Variants in SLC1A2 observed in about 807,000 individuals in gnomAD.
The protein encoded by SLC1A2 is excitatory amino acid transporter 2.
SLC1A2 carries 15 observed loss-of-function variants against 48.8 expected under a neutral mutation model. The ratio of observed to expected loss-of-function variants is 0.31; its 90% CI spans 0.21 to 0.47. SLC1A2 has a LOEUF of 0.47. Among genes scored for constraint, SLC1A2 ranks in the 20% least tolerant of loss-of-function variants. SLC1A2 has a pLI of 0.99. For synonymous variants in SLC1A2, 279 were observed against 272.6 expected, an observed-to-expected ratio of 1.02 and a Z score of -0.23; for missense variants, 502 against 730.5, an observed-to-expected ratio of 0.69 and a Z score of 3.61.
rs1383434366 is a variant in SLC1A2, at chr11:35,260,497, C to G, written c.*397G>C. On this transcript the variant is annotated 3_prime_UTR_variant, in exon 11 of 11. Transcript: ENST00000278379. ...ACATGGAGAACACTTTAAGGAATAA[C>G]ACGCTGTGTGTTTGCTCATTTTCCC... 2.2e-5 allele frequency: 4 copies of G among 182,722 alleles called. No individual in the cohort carries two copies. Among genetic ancestry groups the G allele is most frequent in the South Asian group, 1.1e-4 (1 of 9,120 alleles). The allele number at this position is 182,722 out of a possible 1,614,324, so 11.3% of individuals were successfully genotyped here.
intron 1 of SLC1A2, among the ~76,000 whole-genome samples, chr11:35,395,849 CCA>C (rs1439941134): frequency 1.7e-5 from 2 of 121,122 alleles, no homozygotes; most frequent in African/African-American, 3.2e-5. Flanking sequence ...ACAACAGTCC[CCA>C]GAGTGTGATA....
intron 5 of SLC1A2, among the ~76,000 whole-genome samples, 188 bp downstream of exon 5, chr11:35,305,886 C>A (rs1425955224): frequency 1.3e-5 from 2 of 152,150 alleles, no homozygotes; most frequent in African/African-American, 4.8e-5. Context: ...CCCTTATGGT[C>A]TCCTCTGCCC....
At chr11:35,395,177 C>A (rs886285669) in intron 1 of SLC1A2, among the ~76,000 whole-genome samples, 1 of 151,990 alleles carries the variant, frequency 6.6e-6, no homozygotes, top group African/African-American at 2.4e-5. Flanking sequence ...GAAAGAGGAG[C>A]ACTTACTCTG....
intron 1 of SLC1A2, chr11:35,322,423 T>C: frequency 1.6e-6 from 1 of 614,044 alleles, no homozygotes; most frequent in Non-Finnish European, 2.9e-6. Context: ...CACTTCAGTG[T>C]CACCTTAGCT....
intron 1 of SLC1A2, among the ~76,000 whole-genome samples, chr11:35,344,217 G>A (rs1852947076): frequency 6.6e-6 from 1 of 152,158 alleles, no homozygotes; most frequent in African/African-American, 2.4e-5. Flanking sequence ...TACTGAAAGA[G>A]GGAGGTAATA....
In SLC1A2 at chr11:35,346,766, T is replaced by G. The variant is rs148062017; in HGVS notation, c.18-29250A>C. 8.2e-3 allele frequency among the ~76,000 whole-genome samples: 1,252 copies of G among 152,324 alleles called. 15 individuals carry two copies. The highest frequency in any genetic ancestry group is 0.028 in the African/African-American group (1,159 of 41,582). ...AAGGGCTTTCTCAGTGAAATGACAG[T>G]GAAGCGGAGACTCATAGGATGGATA... On this transcript the variant is annotated intron_variant, in intron 1 of 10. Transcript: ENST00000278379.
chr11:35,370,171 A>T (rs1854008038), intron 1 of SLC1A2, among the ~76,000 whole-genome samples: 1 of 152,224 alleles, frequency 6.6e-6, no homozygotes, highest in Non-Finnish European at 1.5e-5. Context: ...TTTAACCTGC[A>T]CAACACCTTG....
At position 35,259,142 on chromosome 11, in the gene SLC1A2, T is replaced by A. The variant is rs550692846; in HGVS notation, c.*1752A>T. 1 of 152,620 alleles carries A rather than the reference T, an allele frequency of 6.6e-6. No individual in the cohort carries two copies. The highest frequency in any genetic ancestry group is 2.4e-5 in the African/African-American group (1 of 41,518). The allele number at this position is 152,620 out of a possible 1,614,324, so 9.5% of individuals were successfully genotyped here. ...CTAGGGTTTAGGAGACAAAAACAAC[T>A]GGAATCTCATGTCTCTTGTATGTTT... On this transcript the variant is annotated 3_prime_UTR_variant, in exon 11 of 11. Transcript: ENST00000278379.
intron 1 of SLC1A2, 74 bp downstream of exon 1, chr11:35,418,876 G>T (rs2135315355): frequency 2.1e-6 from 3 of 1,396,814 alleles, no homozygotes; most frequent in Middle Eastern, 3.5e-4. Context: ...CTCTCTATCC[G>T]CATCCCGGAT....
At chr11:35,293,680 G>A (rs920636730) in intron 6 of SLC1A2, among the ~76,000 whole-genome samples, 1 of 152,168 alleles carries the variant, frequency 6.6e-6, no homozygotes, top group Non-Finnish European at 1.5e-5. Flanking sequence ...TGGGGAGAAT[G>A]AAGTCCCTAG....
At chr11:35,407,229 C>G (rs1010469231) in intron 1 of SLC1A2, among the ~76,000 whole-genome samples, 6 of 152,214 alleles carry the variant, frequency 3.9e-5, no homozygotes, top group Admixed American at 6.5e-5. Context: ...ACTTGACCAT[C>G]TAGGCAGGCA....
chr11:35,413,362 C>G (rs1212089132), intron 1 of SLC1A2, among the ~76,000 whole-genome samples: 4 of 152,208 alleles, frequency 2.6e-5, no homozygotes, highest in Admixed American at 6.5e-5. Context: ...GGGCAATTCA[C>G]CTACTCTTTC....
At chr11:35,344,909 T>G (rs1174714256) in intron 1 of SLC1A2, among the ~76,000 whole-genome samples, 1 of 152,174 alleles carries the variant, frequency 6.6e-6, no homozygotes, top group African/African-American at 2.4e-5. Context: ...CACTCTGATT[T>G]GGAAGTGAGC....
At chr11:35,397,109 T>TA (rs1854988043) in intron 1 of SLC1A2, among the ~76,000 whole-genome samples, 1 of 148,048 alleles carries the variant, frequency 6.8e-6, no homozygotes, top group Admixed American at 6.7e-5. Flanking sequence ...CTGCCCAAGG[T>TA]AATTTACAGA....
chr11:35,323,481 A>G (rs980472653), intron 1 of SLC1A2, among the ~76,000 whole-genome samples: 3 of 152,228 alleles, frequency 2.0e-5, no homozygotes, highest in Non-Finnish European at 4.4e-5. Flanking sequence ...TTTAGGTCCC[A>G]TTCTCTTAAT....
intron 3 of SLC1A2, among the ~76,000 whole-genome samples, chr11:35,313,981 A>G (rs1428973821): frequency 3.3e-5 from 5 of 152,198 alleles, no homozygotes; most frequent in Admixed American, 2.0e-4. Context: ...GTACCCAAAT[A>G]TGGACCAAAG....
At position 35,395,055 on chromosome 11, in the gene SLC1A2, T is replaced by C. The variant is rs79391856; in HGVS notation, c.17+23895A>G. On this transcript the variant is annotated intron_variant, in intron 1 of 10. Coordinates refer to ENST00000278379, the MANE Select transcript of SLC1A2 (RefSeq NM_004171.4). ...TCCTGGCCATGCTATCCATAGTGAT[T>C]AACTCAGACTTCAGGAACACCCCCC... 4.0e-4 allele frequency among the ~76,000 whole-genome samples: 61 copies of C among 152,104 alleles called. 1 individual carries two copies. The East Asian group carries it at 0.01, about 26-fold the overall frequency.
chr11:35,410,849 T>C, intron 1 of SLC1A2, among the ~76,000 whole-genome samples: 1 of 152,314 alleles, frequency 6.6e-6, no homozygotes, highest in East Asian at 1.9e-4. Flanking sequence ...CTGCCTACCC[T>C]GGCTTCCCTC....
chr11:35,390,701 T>C (rs1436849851), intron 1 of SLC1A2: 1 of 151,522 alleles, frequency 6.6e-6, no homozygotes, highest in Non-Finnish European at 1.5e-5. Context: ...GTTTCACTCT[T>C]ATCACCCAGG....
Sources: gnomAD v4.1 joint callset for allele counts (sites outside exome capture counted in the v4.1 genomes callset) on GRCh38, gnomAD v4.1.1 for gene constraint, MANE v1.5 for transcripts, NCBI Gene and HGNC (gene_info 2026-07-23, HGNC 2026-07-21) for gene names.